The following TRPM5 variants were observed in gnomAD, a reference collection of about 807,000 sequenced individuals.
TRPM5 encodes MLSN1 and TRP-related.
TRPM5 carries 121 observed loss-of-function variants against 124.9 expected under a neutral mutation model. The observed-to-expected ratio is 0.97, with a 90% confidence interval of 0.84 to 1.13. The LOEUF is 1.13. Ranked by LOEUF, TRPM5 falls within the 50% of genes most tolerant of loss-of-function variation. The pLI is 0.00. For missense variants in TRPM5, 1,643 were observed against 1,589.1 expected, an observed-to-expected ratio of 1.03 and a Z score of -0.58; for synonymous variants, 781 against 700.5, an observed-to-expected ratio of 1.11 and a Z score of -1.81.
intron 1 of TRPM5, 65 bp from the exon 7 acceptor site, chr11:2,422,386 G>T: frequency 2.1e-6 from 3 of 1,450,320 alleles, no homozygotes; most frequent in African/African-American, 2.9e-5. Flanking sequence ...TGGGCATTGG[G>T]GGGGGCTGGA....
chr11:2,408,939 C>G (rs1770376549), intron 18 of TRPM5, among the ~76,000 whole-genome samples: 2 of 152,244 alleles, frequency 1.3e-5, no homozygotes, highest in African/African-American at 4.8e-5. Context: ...TGCGTGTGAG[C>G]ACACTGGCAC....
At chr11:2,422,730 T>A (rs1223833357) in intron 1 of TRPM5, among the ~76,000 whole-genome samples, 190 bp downstream of exon 6, 1 of 151,502 alleles carries the variant, frequency 6.6e-6, no homozygotes, top group East Asian at 1.9e-4. Flanking sequence ...TGCAGGGAGG[T>A]AGGAGGCCGG....
At chr11:2,406,698 C>A (rs772143574) in exon 21 of TRPM5, 5 of 1,613,266 alleles carry the variant, frequency 3.1e-6, no homozygotes, top group Non-Finnish European at 4.2e-6. Context: ...CCCTCGCTGT[C>A]CCTCCTCCGC....
intron 12 of TRPM5, 52 bp downstream of exon 17, chr11:2,414,009 G>GGGCGCCCCCCCCCCCCCCCCCCCCCCC: frequency 2.0e-6 from 2 of 1,023,732 alleles, no homozygotes; most frequent in Non-Finnish European, 2.9e-6. Context: ...GGCCCAGCTC[G>GGGCGCCCCCCCCCCCCCCCCCCCCCCC]CCCGCCCACC....
chr11:2,418,259 G>A (rs916833272), exon 6 of TRPM5: 45 of 1,583,640 alleles, frequency 2.8e-5, no homozygotes, highest in Non-Finnish European at 3.9e-5. Context: ...GGCACCAGGA[G>A]GTGGGGCTGG....
chr11:2,431,381 T>C, the TRPM5 span, among the ~76,000 whole-genome samples: 1 of 152,138 alleles, frequency 6.6e-6, no homozygotes, highest in Non-Finnish European at 1.5e-5. Context: ...GCCTGTGTCG[T>C]TGCCCTACAG....
chr11:2,414,730 C>G (rs1157622684), exon 11 of TRPM5: 15 of 1,541,886 alleles, frequency 9.7e-6, no homozygotes, highest in African/African-American at 4.1e-5. Context: ...GCCAGCCGCT[C>G]GTATTTCGCC....
At chr11:2,404,103 C>T (rs1481191719), downstream of TRPM5, among the ~76,000 whole-genome samples, 1 of 152,168 alleles carries the variant, frequency 6.6e-6, no homozygotes, top group African/African-American at 2.4e-5. Context: ...TGAGTGGGTA[C>T]AGAATCTGCC....
exon 20 of TRPM5, chr11:2,407,173 G>A: frequency 6.2e-7 from 1 of 1,611,494 alleles, no homozygotes; most frequent in Non-Finnish European, 8.5e-7. Context: ...CGGAGCGTCA[G>A]GCTCAGGTGG....
At position 2,417,033 on chromosome 11, in the gene TRPM5, C is replaced by T. The variant is rs147329459; in HGVS notation, c.1009+694G>A. ...AAATCTATAGAGACAGGAAGCAGAT[C>T]GATGGTTCCCAGGGGCTGGGGGAAA... On this transcript the variant is annotated intron_variant, in intron 7 of 23. Transcript: ENST00000155858. Among the ~76,000 whole-genome samples, 428 of 152,202 alleles carry T rather than the reference C, an allele frequency of 2.8e-3. 3 individuals carry two copies. The highest frequency in any genetic ancestry group is 9.8e-3 in the African/African-American group (405 of 41,516).
chr11:2,428,092 C>T, the TRPM5 span, among the ~76,000 whole-genome samples: 4 of 151,994 alleles, frequency 2.6e-5, no homozygotes, highest in East Asian at 1.9e-4. The surrounding 1 kb of genome is among the most constrained non-coding windows in gnomAD (Gnocchi z 4.0). Flanking sequence ...TCTGGAATCC[C>T]GCAGTCCTGG....
chr11:2,409,964 A>G (rs1850411490), intron 18 of TRPM5, among the ~76,000 whole-genome samples: 1 of 152,172 alleles, frequency 6.6e-6, no homozygotes, highest in South Asian at 2.1e-4. Context: ...AGACTGGCCC[A>G]CCAGAGATGC....
intron 2 of TRPM5, 118 bp downstream of exon 7, chr11:2,422,023 C>A: frequency 1.0e-6 from 1 of 1,004,260 alleles, no homozygotes. Flanking sequence ...GGGGGACAGT[C>A]AGGGGGTCTG....
At chr11:2,405,342 G>A (rs1165729637) in intron 23 of TRPM5, among the ~76,000 whole-genome samples, 185 bp downstream of exon 28, 1 of 152,228 alleles carries the variant, frequency 6.6e-6, no homozygotes, top group African/African-American at 2.4e-5. Flanking sequence ...TTCGGCCCTG[G>A]CCAAGGCAGG....
At chr11:2,414,009 G>GGGGGGCCGCCCCCCCCC in intron 12 of TRPM5, 52 bp downstream of exon 17, 1 of 1,023,734 alleles carries the variant, frequency 9.8e-7, no homozygotes. Context: ...GGCCCAGCTC[G>GGGGGGCCGCCCCCCCCC]CCCGCCCACC....
At chr11:2,424,699 G>A (rs1312251374), upstream of TRPM5, among the ~76,000 whole-genome samples, 1 of 152,240 alleles carries the variant, frequency 6.6e-6, no homozygotes, top group Non-Finnish European at 1.5e-5. Context: ...CCCCCTCGAG[G>A]GCTTGGCCTT....
chr11:2,413,533 C>T lies in TRPM5; in HGVS notation c.1946G>A (p.Arg649Gln), dbSNP rs199923453. 195 of 1,612,444 alleles carry T rather than the reference C, an allele frequency of 1.2e-4. 1 individual carries two copies. The highest frequency in any genetic ancestry group is 2.2e-5 in the East Asian group (1 of 44,894). The change falls in exon 13 of 24, where the codon CGG (arginine) becomes CAG (glutamine). Residue 649 changes from arginine to glutamine, a missense_variant. Arg to Gln is a conservative substitution (Grantham distance 43, BLOSUM62 1). Coordinates refer to ENST00000155858, the Ensembl canonical transcript of TRPM5. ...GGGGCAGAGGAAGGCTCCTAGCAGC[C>T]GCAGGATGGGCGTGCCTGCGGCCAT... is the stretch of plus-strand genomic sequence containing the variant.
At chr11:2,422,106 G>C (rs1247854334) in intron 2 of TRPM5, 35 bp downstream of exon 7, 1 of 1,550,466 alleles carries the variant, frequency 6.4e-7, no homozygotes, top group Non-Finnish European at 8.7e-7. Flanking sequence ...TGCCCTGTGG[G>C]GTGGGAGCGC....
intron 12 of TRPM5, 45 bp downstream of exon 17, chr11:2,414,016 C>CCCCCCCCCCCCCCACCCCCA: frequency 7.9e-7 from 1 of 1,259,554 alleles, no homozygotes; most frequent in Non-Finnish European, 1.1e-6. Context: ...CTCGCCCGCC[C>CCCCCCCCCCCCCCACCCCCA]ACCCCACCCC....
Sources: allele counts gnomAD v4.1 joint callset (sites outside exome capture counted in the v4.1 genomes callset), GRCh38; gene constraint gnomAD v4.1.1; non-coding constraint Gnocchi (gnomAD v3.1); transcripts MANE v1.5; gene names NCBI Gene and HGNC (gene_info 2026-07-23, HGNC 2026-07-21).